OR11A1: variants seen among roughly 807,000 people sequenced by gnomAD.
OR11A1 encodes olfactory receptor family 11 subfamily A member 1.
For missense variants in OR11A1, 380 were observed against 378.2 expected (o/e 1.00, Z -0.04); for synonymous variants, 158 against 152.2 (o/e 1.04, Z -0.28).
chr6:29,452,031 A>T (rs553126411), intron 1 of OR11A1, among the ~76,000 whole-genome samples: 1 of 152,206 alleles, frequency 6.6e-6, no homozygotes, highest in Non-Finnish European at 1.5e-5. Context: ...TTGCAGCAAC[A>T]TGGATCCTGA....
chr6:29,427,401 G>C lies in OR11A1; in HGVS notation c.241C>G (p.Pro81Ala). 1 of 1,613,082 alleles carries C rather than the reference G, an allele frequency of 6.2e-7. No homozygotes were observed. The highest frequency in any genetic ancestry group is 8.5e-7 in the Non-Finnish European group (1 of 1,180,016). The change falls in exon 5 of 5, where the codon CCA becomes GCA. Residue 81 changes from proline to alanine, a missense_variant. Transcript: ENST00000377149. ...LDILYTSAVM[P>A]KMLEGFLQEA... ...TGCAGGAAGCCCTCCAGCATTTTTG[G>C]CATCACTGCGGAGGTGTAGAGAATA...
chr6:29,450,030 T>G (rs1448692949), intron 1 of OR11A1, among the ~76,000 whole-genome samples: 1 of 152,214 alleles, frequency 6.6e-6, no homozygotes, highest in East Asian at 1.9e-4. Context: ...GGTAACAGCG[T>G]GACTTAGAAT....
intron 1 of OR11A1, chr6:29,440,281 G>A (rs533065635): frequency 1.9e-6 from 3 of 1,613,960 alleles, no homozygotes; most frequent in Admixed American, 1.7e-5. Context: ...ACTGGCCGGC[G>A]CCACATCTCT....
chr6:29,429,024 AGC>A, intron 3 of OR11A1, 64 bp from the exon 4 acceptor site: 1 of 412,358 alleles, frequency 2.4e-6, no homozygotes, highest in African/African-American at 2.2e-5. Context: ...AGAGAAAAAA[AGC>A]AGATATCATA....
chr6:29,446,193 C>T (rs1784755768), intron 1 of OR11A1, among the ~76,000 whole-genome samples: 1 of 152,138 alleles, frequency 6.6e-6, no homozygotes, highest in Non-Finnish European at 1.5e-5. Flanking sequence ...CCTTATTCTA[C>T]ATAGTGCTGG....
At chr6:29,438,291 AAG>A (rs1783803104) in intron 1 of OR11A1, among the ~76,000 whole-genome samples, 1 of 152,204 alleles carries the variant, frequency 6.6e-6, no homozygotes, top group Admixed American at 6.5e-5. Context: ...ATAAATGAAA[AAG>A]AAATCAAAGC....
chr6:29,440,896 C>T, intron 1 of OR11A1: 2 of 1,613,750 alleles, frequency 1.2e-6, no homozygotes, highest in Non-Finnish European at 1.7e-6. Context: ...CTGCGGAACA[C>T]AGAGGTCAAA....
Position 29,426,771 on chromosome 6 carries a change from A to C in OR11A1, c.871T>G (p.Tyr291Asp), listed in dbSNP as rs772347897. 5 of 1,613,114 alleles carry C rather than the reference A, an allele frequency of 3.1e-6. No individual in the cohort carries two copies. The highest frequency in any genetic ancestry group is 1.7e-5 in the Admixed American group (1 of 60,026). Residue 291 changes from tyrosine (Y) to aspartate (D), a missense_variant, in exon 5 of 5, where the codon TAT (tyrosine) becomes GAT (aspartate). Coordinates refer to ENST00000377149, the MANE Select transcript of OR11A1 (RefSeq NM_001394828.1). The part of the protein sequence containing the change: ...VVTPLFNPVI[Y>D]TMRNKEVHQA... ...TGCACCTCCTTGTTCCTCATGGTAT[A>C]GATCACAGGATTGAAGAGAGGGGTG...
At chr6:29,433,399 G>A (rs750924827) in intron 1 of OR11A1, among the ~76,000 whole-genome samples, 2 of 152,060 alleles carry the variant, frequency 1.3e-5, no homozygotes, top group Non-Finnish European at 2.9e-5. Flanking sequence ...GTTTGACTTT[G>A]TAGATTTCAT....
chr6:29,442,064 T>A (rs1340817449), intron 1 of OR11A1, among the ~76,000 whole-genome samples: 1 of 152,188 alleles, frequency 6.6e-6, no homozygotes, highest in African/African-American at 2.4e-5. Flanking sequence ...TGGCACAAAA[T>A]AGTATCTTGA....
At chr6:29,429,017 G>GA (rs997399186) in intron 3 of OR11A1, 57 bp from the exon 4 acceptor site, 25 of 520,296 alleles carry the variant, frequency 4.8e-5, no homozygotes, top group Non-Finnish European at 6.2e-5. Flanking sequence ...GAAAGGTAGA[G>GA]AAAAAAAGCA....
chr6:29,426,435 T>G lies in OR11A1; in HGVS notation c.*259A>C, dbSNP rs1782807158. ...AAAAATGATTAATGAGTACTAGGCT[T>G]AATACCTGGGTGATGAAATAATCTG... On this transcript the variant is annotated 3_prime_UTR_variant, in exon 5 of 5. Transcript: ENST00000377149. The G allele has an allele frequency of 1.1e-5, 5 of 460,138 alleles. No individual in the cohort carries two copies. The highest frequency in any genetic ancestry group is 1.9e-5 in the Non-Finnish European group (5 of 260,556). 28.5% of individuals were successfully genotyped at this position (460,138 alleles called of 1,614,324 possible). A position where few individuals can be genotyped will look rare whatever the true frequency, so the allele number is the denominator to read the frequency against.
chr6:29,426,938 C>A lies in OR11A1; in HGVS notation c.704G>T (p.Arg235Met). The change falls in exon 5 of 5, where the codon AGG becomes ATG. Residue 235 changes from arginine to methionine, a missense_variant. Transcript: ENST00000377149. Reference sequence around the variant, plus strand: ...GGAGCATGTGGAGAAAGCCCTTCTCCTGCTTGCCCCAGCAGGAACTCTCAG... The same window carrying A: ...GGAGCATGTGGAGAAAGCCCTTCTCATGCTTGCCCCAGCAGGAACTCTCAG... The part of the protein sequence containing the change: ...AVLRVPAGAS[R>M]RRAFSTCSSH... The A allele has an allele frequency of 6.2e-7, 1 of 1,613,052 alleles. No homozygotes were observed. The highest frequency in any genetic ancestry group is 1.1e-5 in the South Asian group (1 of 91,074).
Position 29,426,749 on chromosome 6 carries a change from A to G in OR11A1, c.893T>C (p.Val298Ala). 1.2e-6 allele frequency: 2 copies of G among 1,612,866 alleles called. No individual in the cohort carries two copies. Among genetic ancestry groups the G allele is most frequent in the Non-Finnish European group, 1.7e-6 (2 of 1,179,974 alleles). The change falls in exon 5 of 5, where the codon GTG becomes GCG. Residue 298 changes from valine to alanine, a missense_variant. By Grantham distance (64) the Val-to-Ala change is moderately conservative (BLOSUM62 0). Transcript: ENST00000377149. ...GAGAATCTTCCGAAGTGCCTGATGC[A>G]CCTCCTTGTTCCTCATGGTATAGAT... ...PVIYTMRNKEVHQALRKILCI... is the reference protein window; with the variant it reads ...PVIYTMRNKEAHQALRKILCI...
At position 29,427,445 on chromosome 6, in the gene OR11A1, G is replaced by T. The variant is rs779742908; in HGVS notation, c.197C>A (p.Ala66Glu). The T allele has an allele frequency of 3.1e-6, 5 of 1,612,908 alleles. No individual in the cohort carries two copies. In the African/African-American group the frequency reaches 6.7e-5, roughly 22 times the overall value. Residue 66 changes from alanine (A) to glutamate (E), a missense_variant, in exon 5 of 5, where the codon GCG (alanine) becomes GAG (glutamate). Transcript: ENST00000377149. ...GAGAATATCCAGGAAGGACAGATTCGCCAAGAAAATATACATGGGTTTGTG... is the reference window on the plus strand; with the variant it reads ...GAGAATATCCAGGAAGGACAGATTCTCCAAGAAAATATACATGGGTTTGTG... Reference protein sequence around the residue: ...RLHKPMYIFLANLSFLDILYT... With the variant: ...RLHKPMYIFLENLSFLDILYT...
At chr6:29,434,269 T>A (rs1191173985) in intron 1 of OR11A1, among the ~76,000 whole-genome samples, 1 of 152,190 alleles carries the variant, frequency 6.6e-6, no homozygotes, top group Non-Finnish European at 1.5e-5. Context: ...TTCTCCTATA[T>A]TTTCTTCTAA....
intron 3 of OR11A1, among the ~76,000 whole-genome samples, chr6:29,429,366 G>T (rs1267042184): frequency 6.6e-6 from 1 of 152,128 alleles, no homozygotes; most frequent in Non-Finnish European, 1.5e-5. Context: ...TTGACTAATA[G>T]AGCCCTTTAT....
At position 29,456,078 on chromosome 6, in the gene OR11A1, T is replaced by A. The variant is rs138136162; in HGVS notation, c.-389+909A>T. On this transcript the variant is annotated intron_variant, in intron 1 of 4. Coordinates refer to ENST00000377149, the MANE Select transcript of OR11A1 (RefSeq NM_001394828.1). ...AACACCGTCTCTACTAAATATACAA[T>A]AATTAGCTGGGCATGGTGGTACATG... 9.4e-3 allele frequency among the ~76,000 whole-genome samples: 1,413 copies of A among 150,334 alleles called. 11 individuals carry two copies. Among genetic ancestry groups the A allele is most frequent in the African/African-American group, 0.026 (1,053 of 40,818 alleles).
In OR11A1 at chr6:29,427,239, G is replaced by A. The variant is rs559947571; in HGVS notation, c.403C>T (p.Leu135Phe). ...LAICYPLHYP[L>F]LMGPRRYMGL... ...ATGTACCGTCTGGGCCCCATCAGGA[G>A]TGGGTAGTGGAGTGGGTAGCAAATT... Residue 135 changes from leucine (L) to phenylalanine (F), a missense_variant, in exon 5 of 5, where the codon CTC becomes TTC. By Grantham distance (22) the Leu-to-Phe change is conservative. Transcript: ENST00000377149. 8 of 1,613,022 alleles carry A rather than the reference G, an allele frequency of 5.0e-6. No homozygotes were observed. Among genetic ancestry groups the A allele is most frequent in the Non-Finnish European group, 6.8e-6 (8 of 1,180,040 alleles).
Sources: allele counts gnomAD v4.1 joint callset (sites outside exome capture counted in the v4.1 genomes callset), GRCh38; gene constraint gnomAD v4.1.1; transcripts MANE v1.5; gene names NCBI Gene and HGNC (gene_info 2026-07-23, HGNC 2026-07-21).